The following XKR6 variants were observed in gnomAD, a reference collection of about 807,000 sequenced individuals.
The protein encoded by XKR6 is XK related 6.
In XKR6, 22 loss-of-function variants were observed where a neutral mutation model predicts 56.7. The observed-to-expected ratio is 0.39, with a 90% CI of 0.28 to 0.55. The LOEUF is 0.55. Among genes scored for constraint, XKR6 ranks in the 20% least tolerant of loss-of-function variants. The probability of loss-of-function intolerance (pLI) is 0.66; values close to 1 mark genes in which losing one functional copy is unlikely to be tolerated. For synonymous variants in XKR6, 524 were observed against 387.8 expected (o/e 1.35, Z -4.13); for missense variants, 852 against 889.0 (o/e 0.96, Z 0.53).
chr8:11,129,410 A>C (rs761527665), intron 1 of XKR6, among the ~76,000 whole-genome samples: 5 of 152,206 alleles, frequency 3.3e-5, no homozygotes, highest in African/African-American at 7.2e-5. Flanking sequence ...ACAACAACAA[A>C]AAAATATTAT....
intron 2 of XKR6, among the ~76,000 whole-genome samples, chr8:10,903,400 C>A (rs987247067): frequency 1.8e-4 from 28 of 152,152 alleles, no homozygotes; most frequent in African/African-American, 6.5e-4. Flanking sequence ...TCTGAACCCT[C>A]CCCAACTGTG....
At chr8:10,905,399 G>A (rs779583668) in intron 2 of XKR6, among the ~76,000 whole-genome samples, 3 of 152,108 alleles carry the variant, frequency 2.0e-5, no homozygotes, top group Non-Finnish European at 4.4e-5. Context: ...TTCTCTTCCT[G>A]CCATTTCTTG....
chr8:10,954,021 C>T (rs1301383600), intron 1 of XKR6, among the ~76,000 whole-genome samples: 1 of 152,158 alleles, frequency 6.6e-6, no homozygotes, highest in African/African-American at 2.4e-5. Context: ...GAGTAATGTT[C>T]CATTATATGT....
chr8:11,067,778 A>T (rs1800018946), intron 1 of XKR6, among the ~76,000 whole-genome samples: 1 of 152,200 alleles, frequency 6.6e-6, no homozygotes, highest in South Asian at 2.1e-4. Context: ...AGTCTCTGCC[A>T]CTTCCAAGAG....
intron 1 of XKR6, among the ~76,000 whole-genome samples, chr8:11,191,129 C>G (rs1803551142): frequency 6.6e-6 from 1 of 152,182 alleles, no homozygotes; most frequent in Non-Finnish European, 1.5e-5. Context: ...AGCTTAAACT[C>G]ATTAACTGTT....
chr8:11,148,479 GT>G (rs1563174809), intron 1 of XKR6, among the ~76,000 whole-genome samples: 1 of 152,214 alleles, frequency 6.6e-6, no homozygotes, highest in African/African-American at 2.4e-5. Context: ...ATACATTGCT[GT>G]TGTTTAAGCG....
chr8:10,900,052 T>A (rs1458562531), intron 2 of XKR6, among the ~76,000 whole-genome samples: 1 of 152,148 alleles, frequency 6.6e-6, no homozygotes, highest in Admixed American at 6.5e-5. Context: ...CTGGGGCCTC[T>A]TTTGCTGGTC....
Position 11,152,446 on chromosome 8 carries a change from T to C in XKR6, c.764+48130A>G, listed in dbSNP as rs76024174. ...AAAAATCTAGATACATAATAAATCATGGGTAAGATGGAGGAAGAGTCTGAA... is the reference window on the plus strand; with the variant it reads ...AAAAATCTAGATACATAATAAATCACGGGTAAGATGGAGGAAGAGTCTGAA... On this transcript the variant is annotated intron_variant, in intron 1 of 2. Coordinates refer to ENST00000416569, the MANE Select transcript of XKR6 (RefSeq NM_173683.4). 0.012 allele frequency among the ~76,000 whole-genome samples: 1,790 copies of C among 152,076 alleles called. 86 individuals are homozygous for C. The East Asian group carries it at 0.18, about 15-fold the overall frequency.
At chr8:10,904,167 C>A (rs544146274) in intron 2 of XKR6, among the ~76,000 whole-genome samples, 1 of 152,192 alleles carries the variant, frequency 6.6e-6, no homozygotes, top group Non-Finnish European at 1.5e-5. Flanking sequence ...GAGCAGTGAC[C>A]TTCACAGCTC....
At chr8:10,984,726 C>CTATATATATATA (rs1403239181) in intron 1 of XKR6, among the ~76,000 whole-genome samples, 36 of 70,286 alleles carry the variant, frequency 5.1e-4, no homozygotes, top group African/African-American at 2.2e-3. Context: ...CTCTCTCTCT[C>CTATATATATATA]TCTCTCTATA....
At chr8:11,106,863 A>AAAAAAAAAAAAAAAAAATAAAAAAAAAG (rs60435831) in intron 1 of XKR6, among the ~76,000 whole-genome samples, 1 of 109,902 alleles carries the variant, frequency 9.1e-6, no homozygotes, top group Non-Finnish European at 1.8e-5. Context: ...AAAAAAAAAA[A>AAAAAAAAAAAAAAAAAATAAAAAAAAAG]AATAAAAAAG....
Position 11,102,052 on chromosome 8 carries a change from G to C in XKR6, c.764+98524C>G, listed in dbSNP as rs368640175. Among the ~76,000 whole-genome samples, 10 of 152,310 alleles carry C rather than the reference G, an allele frequency of 6.6e-5. No homozygotes were observed. The East Asian group carries it at 1.2e-3, about 18-fold the overall frequency. ...ACATTTAGAAACAGCGAGGGCTTCT[G>C]GATGGGTCCAGGAGTGGCTGGAAAA... On this transcript the variant is annotated intron_variant, in intron 1 of 2. Coordinates refer to ENST00000416569, the MANE Select transcript of XKR6 (RefSeq NM_173683.4).
intron 1 of XKR6, among the ~76,000 whole-genome samples, chr8:10,994,261 T>C (rs538291756): frequency 6.6e-6 from 1 of 152,320 alleles, no homozygotes; most frequent in East Asian, 1.9e-4. Flanking sequence ...TCAGACCCTC[T>C]CATTTTGAGT....
At chr8:11,029,508 A>G (rs1039883902) in intron 1 of XKR6, among the ~76,000 whole-genome samples, 2 of 152,192 alleles carry the variant, frequency 1.3e-5, no homozygotes, top group African/African-American at 4.8e-5. Context: ...AATGAAGGAC[A>G]TGTGAGCATA....
chr8:10,899,983 A>T (rs1319114505), intron 2 of XKR6, among the ~76,000 whole-genome samples: 1 of 152,140 alleles, frequency 6.6e-6, no homozygotes, highest in African/African-American at 2.4e-5. Context: ...ATCTCCGTTT[A>T]AGCAAGATTT....
intron 1 of XKR6, among the ~76,000 whole-genome samples, chr8:11,081,100 T>G (rs772832747): frequency 2.0e-5 from 3 of 152,342 alleles, no homozygotes; most frequent in Non-Finnish European, 4.4e-5. Flanking sequence ...TTCTAAGGAC[T>G]GCAAGAAGCC....
intron 1 of XKR6, among the ~76,000 whole-genome samples, chr8:10,974,792 C>T (rs773377760): frequency 8.5e-5 from 13 of 152,112 alleles, no homozygotes; most frequent in Non-Finnish European, 1.9e-4. Flanking sequence ...GCACAGAGCT[C>T]GAGGTGGGAA....
At chr8:11,047,826 T>C (rs778578546) in intron 1 of XKR6, among the ~76,000 whole-genome samples, 2 of 152,208 alleles carry the variant, frequency 1.3e-5, no homozygotes, top group Non-Finnish European at 2.9e-5. Context: ...ACAGTGAACA[T>C]GCGATTACTG....
chr8:10,982,439 C>T (rs1797756790), intron 1 of XKR6, among the ~76,000 whole-genome samples: 1 of 152,188 alleles, frequency 6.6e-6, no homozygotes, highest in South Asian at 2.1e-4. Context: ...TGAGAAAGCA[C>T]AATGCTCTTT....
Sources: allele counts gnomAD v4.1 joint callset (sites outside exome capture counted in the v4.1 genomes callset), GRCh38; gene constraint gnomAD v4.1.1; transcripts MANE v1.5; gene names NCBI Gene and HGNC (gene_info 2026-07-23, HGNC 2026-07-21).